Variants in HDAC7 observed in about 807,000 individuals in gnomAD.
HDAC7 encodes the protein histone deacetylase 7A.
In HDAC7, 26 loss-of-function variants were observed where a neutral mutation model predicts 115.5. The ratio of observed to expected loss-of-function variants is 0.23; its 90% CI spans 0.16 to 0.31. The LOEUF (loss-of-function observed/expected upper bound fraction) is 0.31. Ranked by LOEUF, HDAC7 falls within the 10% of genes least tolerant of loss-of-function variation. The probability of loss-of-function intolerance (pLI) is 1.00; values close to 1 mark genes in which losing one functional copy is unlikely to be tolerated. For synonymous variants in HDAC7, 564 were observed against 550.9 expected, an observed-to-expected ratio of 1.02 and a Z score of -0.33; for missense variants, 1,068 against 1,329.0, an observed-to-expected ratio of 0.80 and a Z score of 3.05.
At chr12:47,784,268 C>T in intron 24 of HDAC7, 51 bp from the exon 25 acceptor site, 1 of 1,567,110 alleles carries the variant, frequency 6.4e-7, no homozygotes, top group South Asian at 1.2e-5. Flanking sequence ...AGCCCCTCCA[C>T]ACTGCGTCCT....
Position 47,789,775 on chromosome 12 carries a change from C to G in HDAC7, c.2091+38G>C, listed in dbSNP as rs374847972. On this transcript the variant is annotated intron_variant, in intron 17 of 25. Coordinates refer to ENST00000080059, the MANE Select transcript of HDAC7 (RefSeq NM_015401.5). ...TCCCCACTACCCCACTCTGCTTCCT[C>G]CTTTGTGGTGTGTCCACCTTCAACC... 6 of 1,528,212 alleles carry G rather than the reference C, an allele frequency of 3.9e-6. No homozygotes were observed. In the African/African-American group the frequency reaches 8.2e-5, roughly 21 times the overall value. 94.7% of individuals were successfully genotyped at this position (1,528,212 alleles called of 1,614,324 possible).
intron 23 of HDAC7, 103 bp downstream of exon 23, chr12:47,785,649 C>A: frequency 6.9e-7 from 1 of 1,449,492 alleles, no homozygotes; most frequent in Non-Finnish European, 9.2e-7. Flanking sequence ...CAGGCTTGGC[C>A]ACTCCCACCC....
rs529847801 is a variant in HDAC7, at chr12:47,801,683, C to A, written c.70+541G>T. On this transcript the variant is annotated intron_variant, in intron 2 of 25. Transcript: ENST00000080059. ...AGGGCAGACCGCGTCTAGTCCAGAC[C>A]TGGCCCCATGGGCATGTCCTAAACC... 2.6e-5 allele frequency among the ~76,000 whole-genome samples: 4 copies of A among 152,320 alleles called. No homozygotes were observed. The South Asian group carries it at 8.3e-4, about 32-fold the overall frequency.
chr12:47,796,881 A>C (rs1409007309), intron 7 of HDAC7, 136 bp downstream of exon 7: 1 of 942,418 alleles, frequency 1.1e-6, no homozygotes, highest in Non-Finnish European at 1.5e-6. Context: ...CGCTTCGGCA[A>C]GTGTGTGGGA....
chr12:47,799,093 G>A, intron 2 of HDAC7, 121 bp from the exon 3 acceptor site: 1 of 660,994 alleles, frequency 1.5e-6, no homozygotes, highest in Non-Finnish European at 2.5e-6. Flanking sequence ...CTCTCATGGG[G>A]GTTTTTCCTC....
chr12:47,804,328 G>A (rs1565577772), intron 1 of HDAC7, among the ~76,000 whole-genome samples: 2 of 152,100 alleles, frequency 1.3e-5, no homozygotes, highest in South Asian at 2.1e-4. Context: ...AGAGCGCAGA[G>A]CGACAGAGAT....
chr12:47,784,411 A>G (rs7307046), intron 24 of HDAC7, 194 bp from the exon 25 acceptor site: 393,218 of 636,962 alleles, frequency 0.62, 123,763 homozygotes, highest in East Asian at 0.88. Context: ...GACAGGGTAC[A>G]CAGAGTGGGT....
chr12:47,784,515 C>T (rs1385729515), intron 24 of HDAC7: 8 of 608,308 alleles, frequency 1.3e-5, no homozygotes, highest in South Asian at 2.0e-5. Flanking sequence ...CCCACAGGTG[C>T]GGGGCTCCTG....
chr12:47,798,782 T>C lies in HDAC7; in HGVS notation c.258+3A>G. 2 of 1,555,822 alleles carry C rather than the reference T, an allele frequency of 1.3e-6. No individual in the cohort carries two copies. Among genetic ancestry groups the C allele is most frequent in the Non-Finnish European group, 1.7e-6 (2 of 1,149,178 alleles). ...CCCCACATGCAGGGAGCTCCATCTT[T>C]ACCCTCATGGGCTCCACCGAGCGCT... is the stretch of plus-strand genomic sequence containing the variant. On this transcript the variant is annotated splice_donor_region_variant and intron_variant, in intron 3 of 25. Coordinates refer to ENST00000080059, the MANE Select transcript of HDAC7 (RefSeq NM_015401.5). This position sits in a 1 kb window ranked among gnomAD's most constrained non-coding sequence, Gnocchi z 4.3.
In HDAC7 at chr12:47,795,446, T is replaced by C. The variant is rs1399040744; in HGVS notation, c.1088-66A>G. 7.0e-6 allele frequency: 9 copies of C among 1,289,916 alleles called. No individual in the cohort carries two copies. The highest frequency in any genetic ancestry group is 9.6e-6 in the Non-Finnish European group (9 of 942,144). 79.9% of individuals were successfully genotyped at this position (1,289,916 alleles called of 1,614,324 possible). A position where few individuals can be genotyped will look rare whatever the true frequency, so the allele number is the denominator to read the frequency against. ...GGAGCAATGGAAGGAAGCGAGGGTA[T>C]AGGGTGGGGGGCCAGGGTGCAGCAG... On this transcript the variant is annotated intron_variant, in intron 10 of 25. Coordinates refer to ENST00000080059, the MANE Select transcript of HDAC7 (RefSeq NM_015401.5). The surrounding 1 kb of genome is among the most constrained non-coding windows in gnomAD (Gnocchi z 4.3).
Position 47,795,914 on chromosome 12 carries a change from G to A in HDAC7, c.898C>T (p.Pro300Ser), listed in dbSNP as rs1396740365. The change falls in exon 9 of 26, where the codon CCT (proline) becomes TCT (serine). Residue 300 changes from proline to serine, a missense_variant. By Grantham distance (74) the Pro-to-Ser change is moderately conservative (BLOSUM62 -1). Coordinates refer to ENST00000080059, the MANE Select transcript of HDAC7 (RefSeq NM_015401.5). The surrounding 1 kb of genome is among the most constrained non-coding windows in gnomAD (Gnocchi z 4.3). Reference protein sequence around the residue: ...LPAITLGLPAPARADSDRRTH... With the variant: ...LPAITLGLPASARADSDRRTH... ...GCACCCCAGCCACTCACCCTGGCAGGGGCGGGCAGCCCCAGAGTGATTGCG... is the reference window on the plus strand; with the variant it reads ...GCACCCCAGCCACTCACCCTGGCAGAGGCGGGCAGCCCCAGAGTGATTGCG... The A allele has an allele frequency of 6.5e-7, 1 of 1,549,718 alleles. No homozygotes were observed. The highest frequency in any genetic ancestry group is 2.4e-5 in the East Asian group (1 of 41,032).
rs1159633996 is a variant in HDAC7 at position 47,782,820 on chromosome 12, A to G, written c.*1021T>C. On this transcript the variant is annotated 3_prime_UTR_variant, in exon 26 of 26. Coordinates refer to ENST00000080059, the MANE Select transcript of HDAC7 (RefSeq NM_015401.5). ...TACACAGGGTATGGTGGGTCCTAGG[A>G]AAGACACACACACACGCCTCACTCA... 1 of 151,284 alleles carries G rather than the reference A, an allele frequency of 6.6e-6. No individual in the cohort carries two copies. Among genetic ancestry groups the G allele is most frequent in the East Asian group, 1.9e-4 (1 of 5,176 alleles). The allele number at this position is 151,284 out of a possible 1,614,324, so 9.4% of individuals were successfully genotyped here. A position where few individuals can be genotyped will look rare whatever the true frequency, so the allele number is the denominator to read the frequency against.
chr12:47,813,744 G>A (rs972699432), intron 1 of HDAC7, among the ~76,000 whole-genome samples: 8 of 152,332 alleles, frequency 5.3e-5, no homozygotes, highest in African/African-American at 1.9e-4. Flanking sequence ...CCTGGGAGTC[G>A]GGAAGAGCAC....
rs922415143 is a variant in HDAC7, at chr12:47,788,098, G to A, written c.2302C>T (p.Leu768=). The A allele has an allele frequency of 4.3e-6, 7 of 1,613,786 alleles. No homozygotes were observed. Among genetic ancestry groups the A allele is most frequent in the Non-Finnish European group, 5.9e-6 (7 of 1,179,806 alleles). Residue 768 remains leucine (L), a synonymous_variant, in exon 20 of 26, where the codon CTG becomes TTG. Transcript: ENST00000080059. ...AAGTTGCCGTCGTCATGGCGATGCA[G>A]GGAGATGTAGAGCACACTGGGGTCT... is the stretch of plus-strand genomic sequence containing the variant. The part of the protein sequence containing the change: ...YQDPSVLYIS[L]HRHDDGNFFP...
chr12:47,817,230 C>A (rs1464934272), intron 1 of HDAC7, among the ~76,000 whole-genome samples: 2 of 152,226 alleles, frequency 1.3e-5, no homozygotes, highest in African/African-American at 4.8e-5. Context: ...GGCCTCCTCA[C>A]CAAGGCTCTC....
At chr12:47,786,531 C>A in intron 22 of HDAC7, 54 bp downstream of exon 22, 7 of 1,332,232 alleles carry the variant, frequency 5.3e-6, no homozygotes, top group Non-Finnish European at 7.6e-6. Flanking sequence ...TCCCAACTCC[C>A]CGCACCGCCT....
Position 47,797,295 on chromosome 12 carries a change from A to ACCCCCCCCCCCCCCCCCC in HDAC7, c.577+88_577+89insGGGGGGGGGGGGGGGGGG. 1 of 696,654 alleles carries ACCCCCCCCCCCCCCCCCC rather than the reference A, an allele frequency of 1.4e-6. No homozygotes were observed. The highest frequency in any genetic ancestry group is 2.5e-5 in the Admixed American group (1 of 39,490). The allele number at this position is 696,654 out of a possible 1,614,324, so 43.2% of individuals were successfully genotyped here. On this transcript the variant is annotated intron_variant, in intron 6 of 25. Coordinates refer to ENST00000080059, the MANE Select transcript of HDAC7 (RefSeq NM_015401.5). The surrounding 1 kb of genome is among the most constrained non-coding windows in gnomAD (Gnocchi z 5.5). ...TACCGATGATCTCCTGGCCCAGCCC[A>ACCCCCCCCCCCCCCCCCC]GCCCGCCCACCCCTGCACACTCCTC... is the stretch of plus-strand genomic sequence containing the variant.
chr12:47,790,230 C>T lies in HDAC7; in HGVS notation c.1984-310G>A, dbSNP rs746505840. Reference sequence around the variant, plus strand: ...CCTGGGCGGGACTTGGGGTTTGGGCCGGGAGGGGGTTTTAAGCCCCAGCTG... The same window carrying T: ...CCTGGGCGGGACTTGGGGTTTGGGCTGGGAGGGGGTTTTAAGCCCCAGCTG... On this transcript the variant is annotated intron_variant, in intron 16 of 25. Coordinates refer to ENST00000080059, the MANE Select transcript of HDAC7 (RefSeq NM_015401.5). 2.6e-4 allele frequency: 92 copies of T among 356,542 alleles called. 1 individual carries two copies. The highest frequency in any genetic ancestry group is 2.3e-4 in the East Asian group (4 of 17,584). 22.1% of individuals were successfully genotyped at this position (356,542 alleles called of 1,614,324 possible). A position where few individuals can be genotyped will look rare whatever the true frequency, so the allele number is the denominator to read the frequency against.
At chr12:47,790,954 G>C (rs1196607319) in intron 16 of HDAC7, 3 of 489,008 alleles carry the variant, frequency 6.1e-6, no homozygotes, top group Admixed American at 3.8e-5. Flanking sequence ...GGGGGTCTTT[G>C]AAGGGAGAGA....
Sources: gnomAD v4.1 joint callset for allele counts (sites outside exome capture counted in the v4.1 genomes callset) on GRCh38, gnomAD v4.1.1 for gene constraint, Gnocchi (gnomAD v3.1) non-coding constraint, MANE v1.5 for transcripts, NCBI Gene and HGNC (gene_info 2026-07-23, HGNC 2026-07-21) for gene names.